The following CPNE4 variants were observed in gnomAD, a reference collection of about 807,000 sequenced individuals.
CPNE4 encodes copine-4.
In CPNE4, 25 loss-of-function variants were observed where a neutral mutation model predicts 67.9. That is an observed-to-expected ratio of 0.37 (90% confidence interval 0.27 to 0.51). The LOEUF (loss-of-function observed/expected upper bound fraction) is 0.51. Among genes scored for constraint, CPNE4 ranks in the 20% least tolerant of loss-of-function variants. The pLI is 0.93. For missense variants in CPNE4, 464 were observed against 690.8 expected (o/e 0.67, Z 3.68); for synonymous variants, 242 against 244.9 (o/e 0.99, Z 0.11).
intron 5 of CPNE4, among the ~76,000 whole-genome samples, chr3:131,691,323 A>G (rs1391984899): frequency 1.3e-5 from 2 of 152,234 alleles, no homozygotes; most frequent in African/African-American, 2.4e-5. Context: ...TCAACATTGA[A>G]TAGGATAAAG....
intron 3 of CPNE4, among the ~76,000 whole-genome samples, chr3:131,705,748 C>G (rs768254107): frequency 3.3e-5 from 5 of 152,188 alleles, no homozygotes; most frequent in South Asian, 2.1e-4. Context: ...TCACAGCGTT[C>G]TAATTACTTC....
At chr3:131,861,494 G>A (rs557682954) in intron 2 of CPNE4, among the ~76,000 whole-genome samples, 3 of 149,600 alleles carry the variant, frequency 2.0e-5, no homozygotes, top group South Asian at 4.3e-4. Flanking sequence ...GCAATGGCAC[G>A]ATCTCAGCTC....
At chr3:131,614,069 T>C (rs1011794681) in intron 7 of CPNE4, among the ~76,000 whole-genome samples, 2 of 152,180 alleles carry the variant, frequency 1.3e-5, no homozygotes, top group African/African-American at 2.4e-5. Flanking sequence ...GCAAATGAGT[T>C]GTCTTGAGGA....
intron 1 of CPNE4, among the ~76,000 whole-genome samples, chr3:131,907,080 T>C (rs1411906537): frequency 2.0e-5 from 3 of 152,090 alleles, no homozygotes; most frequent in Non-Finnish European, 4.4e-5. Flanking sequence ...AGAAGACATT[T>C]ATGCAGCCAA....
In CPNE4 at chr3:131,901,704, G is replaced by C. The variant is rs891462089; in HGVS notation, c.180+3560C>G. Among the ~76,000 whole-genome samples, 8 of 152,170 alleles carry C rather than the reference G, an allele frequency of 5.3e-5. No individual in the cohort carries two copies. The East Asian group carries it at 1.4e-3, about 26-fold the overall frequency. On this transcript the variant is annotated intron_variant, in intron 2 of 15. Transcript: ENST00000429747. ...TTGCCTAGAAGAGTCCTCCGACCATGATCCAGCTTCTGCTGGATGGCCCAG... is the reference window on the plus strand; with the variant it reads ...TTGCCTAGAAGAGTCCTCCGACCATCATCCAGCTTCTGCTGGATGGCCCAG...
intron 2 of CPNE4, among the ~76,000 whole-genome samples, chr3:131,844,472 T>G (rs1192313773): frequency 6.6e-6 from 1 of 152,050 alleles, no homozygotes; most frequent in African/African-American, 2.4e-5. Flanking sequence ...TTCACCATGT[T>G]GGACAAACTG....
At chr3:131,696,282 T>C (rs190006572) in intron 5 of CPNE4, among the ~76,000 whole-genome samples, 5 of 152,326 alleles carry the variant, frequency 3.3e-5, no homozygotes, top group African/African-American at 1.2e-4. Context: ...TTAAATCATA[T>C]TTACCTGTGC....
chr3:131,831,057 G>A (rs1292643491), intron 2 of CPNE4, among the ~76,000 whole-genome samples: 3 of 151,880 alleles, frequency 2.0e-5, no homozygotes, highest in Non-Finnish European at 4.4e-5. Context: ...TTTTACCTAG[G>A]AGTGGAGGAC....
intron 7 of CPNE4, among the ~76,000 whole-genome samples, chr3:131,666,590 G>C (rs78774679): frequency 2.0e-5 from 3 of 152,152 alleles, no homozygotes; most frequent in Non-Finnish European, 4.4e-5. Context: ...GACAACTTAA[G>C]ATTTCAAAGG....
chr3:131,979,712 G>A (rs2072855078), intron 1 of CPNE4, among the ~76,000 whole-genome samples: 1 of 151,862 alleles, frequency 6.6e-6, no homozygotes, highest in Non-Finnish European at 1.5e-5. Flanking sequence ...AGGTACCATT[G>A]CATTCATCAT....
intron 3 of CPNE4, among the ~76,000 whole-genome samples, chr3:131,711,060 C>A (rs73220419): frequency 1.3e-5 from 2 of 151,968 alleles, no homozygotes; most frequent in African/African-American, 4.8e-5. Context: ...ATCAAGTGGT[C>A]GTAAAATATA....
In CPNE4 at chr3:131,608,196, C is replaced by A. The variant is rs369039394; in HGVS notation, c.682-20614G>T. On this transcript the variant is annotated intron_variant, in intron 7 of 15. Transcript: ENST00000429747. ...CTATGTATAAAATAATGGCAAGACA[C>A]CGGTAATATGGAAATGAAAATGAAA... Among the ~76,000 whole-genome samples the A allele has an allele frequency of 1.6e-4, 25 of 152,098 alleles. No individual in the cohort carries two copies. The East Asian group carries it at 2.1e-3, about 13-fold the overall frequency.
At chr3:131,769,680 T>C (rs2083114938) in intron 2 of CPNE4, among the ~76,000 whole-genome samples, 1 of 152,130 alleles carries the variant, frequency 6.6e-6, no homozygotes, top group African/African-American at 2.4e-5. Context: ...TTTGCTTACT[T>C]TCTCCTGCCT....
At chr3:131,880,201 C>T (rs1342123515) in intron 2 of CPNE4, among the ~76,000 whole-genome samples, 3 of 151,330 alleles carry the variant, frequency 2.0e-5, no homozygotes, top group African/African-American at 7.3e-5. Flanking sequence ...CTGCAAGCTC[C>T]GCCTCCCGGG....
intron 2 of CPNE4, among the ~76,000 whole-genome samples, chr3:131,803,931 C>T (rs1393268821): frequency 6.6e-6 from 1 of 152,184 alleles, no homozygotes; most frequent in Non-Finnish European, 1.5e-5. Flanking sequence ...GACTCCATCT[C>T]TGAGCATCTG....
At chr3:131,606,110 T>G (rs769572275) in intron 7 of CPNE4, among the ~76,000 whole-genome samples, 7 of 152,176 alleles carry the variant, frequency 4.6e-5, no homozygotes, top group Admixed American at 2.0e-4. Flanking sequence ...AAAAGGCGCT[T>G]GAAGACCAGA....
chr3:132,029,410 A>G (rs1021615928), intron 1 of CPNE4, among the ~76,000 whole-genome samples: 1 of 152,150 alleles, frequency 6.6e-6, no homozygotes, highest in Admixed American at 6.5e-5. Flanking sequence ...GTCAAACTCC[A>G]TTCCTTATCC....
chr3:131,853,839 A>G (rs956135505), intron 2 of CPNE4, among the ~76,000 whole-genome samples: 1 of 151,896 alleles, frequency 6.6e-6, no homozygotes, highest in African/African-American at 2.4e-5. Flanking sequence ...AAACCACAGT[A>G]ATATTTCATG....
intron 1 of CPNE4, among the ~76,000 whole-genome samples, chr3:132,017,239 G>A (rs1009564005): frequency 3.3e-5 from 5 of 151,966 alleles, no homozygotes; most frequent in East Asian, 3.9e-4. Flanking sequence ...AAGAAAAGAC[G>A]AAAGGAAATG....
Sources: allele counts gnomAD v4.1 joint callset (sites outside exome capture counted in the v4.1 genomes callset), GRCh38; gene constraint gnomAD v4.1.1; transcripts MANE v1.5; gene names NCBI Gene and HGNC (gene_info 2026-07-23, HGNC 2026-07-21).